The following C9 variants were observed in gnomAD, a reference collection of about 807,000 sequenced individuals.
C9 encodes complement component C9.
C9 carries 63 observed loss-of-function variants against 65.4 expected under a neutral mutation model. That is an observed-to-expected ratio of 0.96 (90% CI 0.79 to 1.19). The LOEUF (loss-of-function observed/expected upper bound fraction) is 1.19, where lower values mean the gene tolerates loss of function less well. Ranked by LOEUF, C9 falls within the 50% of genes most tolerant of loss-of-function variation. The pLI is 0.00. For synonymous variants in C9, 229 were observed against 227.9 expected, an observed-to-expected ratio of 1.00 and a Z score of -0.04; for missense variants, 744 against 670.1, an observed-to-expected ratio of 1.11 and a Z score of -1.22.
chr5:39,286,579 A>C (rs190175118), intron 10 of C9, among the ~76,000 whole-genome samples: 184 of 152,152 alleles, frequency 1.2e-3, no homozygotes, highest in African/African-American at 4.3e-3. Flanking sequence ...CGACTATACA[A>C]AGTTGAATAA....
At chr5:39,358,984 C>CAAAA (rs1210479485) in intron 1 of C9, among the ~76,000 whole-genome samples, 5 of 106,478 alleles carry the variant, frequency 4.7e-5, no homozygotes, top group East Asian at 2.2e-4. Context: ...GACTCCATCT[C>CAAAA]AAAAAAATAA....
chr5:39,326,747 AG>A (rs1407552983), intron 5 of C9, among the ~76,000 whole-genome samples: 8 of 152,242 alleles, frequency 5.3e-5, no homozygotes, highest in Non-Finnish European at 1.2e-4. Flanking sequence ...ACAAATAACC[AG>A]GTATGTAATA....
chr5:39,334,976 A>C (rs1239817356), intron 4 of C9, among the ~76,000 whole-genome samples: 1 of 142,224 alleles, frequency 7.0e-6, no homozygotes, highest in Admixed American at 7.4e-5. Context: ...TGTACTAAGA[A>C]AAATTCTTCT....
At chr5:39,333,785 T>C (rs2111934674) in intron 4 of C9, among the ~76,000 whole-genome samples, 1 of 150,966 alleles carries the variant, frequency 6.6e-6, no homozygotes, top group East Asian at 2.0e-4. Context: ...CTGGTTTTCG[T>C]ATTTTTTTGG....
At chr5:39,341,923 C>A (rs1754094676) in intron 2 of C9, among the ~76,000 whole-genome samples, 168 bp downstream of exon 2, 2 of 152,214 alleles carry the variant, frequency 1.3e-5, no homozygotes, top group South Asian at 4.1e-4. Context: ...TTCTGTACAA[C>A]ATAAAGATTT....
intron 5 of C9, among the ~76,000 whole-genome samples, chr5:39,321,773 A>G (rs1217885052): frequency 6.6e-6 from 1 of 152,104 alleles, no homozygotes; most frequent in African/African-American, 2.4e-5. Flanking sequence ...GAAAATCACT[A>G]TATAATAATG....
intron 10 of C9, among the ~76,000 whole-genome samples, chr5:39,286,318 G>A (rs529642438): frequency 7.2e-5 from 11 of 151,964 alleles, no homozygotes; most frequent in Admixed American, 1.3e-4. Context: ...AAGTACTGAA[G>A]AAAGCATAAT....
At chr5:39,350,280 C>T (rs562524150) in intron 1 of C9, among the ~76,000 whole-genome samples, 76 of 152,312 alleles carry the variant, frequency 5.0e-4, no homozygotes, top group African/African-American at 1.8e-3. Context: ...CACTTTCCGA[C>T]AGGCTCCTCC....
chr5:39,323,784 C>T (rs1477788763), intron 5 of C9, among the ~76,000 whole-genome samples: 1 of 151,896 alleles, frequency 6.6e-6, no homozygotes, highest in African/African-American at 2.4e-5. Flanking sequence ...CATTGTATCT[C>T]TGTTCAAAAT....
intron 9 of C9, among the ~76,000 whole-genome samples, chr5:39,290,886 T>C (rs1390229669): frequency 6.6e-6 from 1 of 151,940 alleles, no homozygotes; most frequent in Non-Finnish European, 1.5e-5. Flanking sequence ...GTAGGATAGC[T>C]CTGGCAGAAA....
intron 6 of C9, among the ~76,000 whole-genome samples, chr5:39,314,477 T>A (rs1753538827): frequency 6.6e-6 from 1 of 151,764 alleles, no homozygotes; most frequent in Non-Finnish European, 1.5e-5. Context: ...TTAAATTAAA[T>A]TAAATTAAAA....
rs773348076 is a variant in C9 at position 39,341,255 on chromosome 5, T to C, written c.367A>G (p.Asn123Asp). 6.2e-7 allele frequency: 1 copy of C among 1,614,056 alleles called. No homozygotes were observed. Among genetic ancestry groups the C allele is most frequent in the African/African-American group, 1.3e-5 (1 of 74,936 alleles). The change falls in exon 4 of 11, where the codon AAT becomes GAT. Residue 123 changes from asparagine to aspartate, a missense_variant. Transcript: ENST00000263408. ...TCATCTGAAAAGTCTCCGCAGTCAT[T>C]GTCACCATTACACCGAAGTCGCATC... The part of the protein sequence containing the change: ...IKMRLRCNGD[N>D]DCGDFSDEDD...
At position 39,306,703 on chromosome 5, in the gene C9, G is replaced by T. The variant is rs748242211; in HGVS notation, c.1330C>A (p.Leu444Ile). 2.5e-6 allele frequency: 4 copies of T among 1,612,876 alleles called. No homozygotes were observed. The African/African-American group carries it at 4.0e-5, about 16-fold the overall frequency. The change falls in exon 9 of 11, where the codon CTT becomes ATT. Residue 444 changes from leucine (L) to isoleucine (I), a missense_variant. Transcript: ENST00000263408. ...ACATCAATCACGGTTCCTCGGAGAA[G>T]CTTTTCTTTCAGTTCAAATGCATAT... ...RKYAFELKEKLLRGTVIDVTD... is the reference protein window; with the variant it reads ...RKYAFELKEKILRGTVIDVTD...
At chr5:39,328,086 G>A (rs1183479261) in intron 5 of C9, among the ~76,000 whole-genome samples, 1 of 152,200 alleles carries the variant, frequency 6.6e-6, no homozygotes, top group Non-Finnish European at 1.5e-5. Context: ...GAAAGGTTGA[G>A]TGGAGGCTTA....
Position 39,285,069 on chromosome 5 carries a change from A to ACTTCAGAGGT in C9, c.*120_*129dup. The ACTTCAGAGGT allele has an allele frequency of 9.0e-6, 7 of 777,814 alleles. No homozygotes were observed. In the South Asian group the frequency reaches 1.0e-4, roughly 11 times the overall value. The allele number at this position is 777,814 out of a possible 1,614,324, so 48.2% of individuals were successfully genotyped here. A position where few individuals can be genotyped will look rare whatever the true frequency, so the allele number is the denominator to read the frequency against. On this transcript the variant is annotated 3_prime_UTR_variant, in exon 11 of 11. Transcript: ENST00000263408. ...AAATTATAGACCTAAGAGAGAAGAGACTTCAGAGGTTGGTAGGATTTTCAT... is the reference window on the plus strand; with the variant it reads ...AAATTATAGACCTAAGAGAGAAGAGACTTCAGAGGTCTTCAGAGGTTGGTAGGATTTTCAT...
At chr5:39,314,023 G>A (rs1211723916) in intron 6 of C9, among the ~76,000 whole-genome samples, 1 of 152,076 alleles carries the variant, frequency 6.6e-6, no homozygotes, top group Admixed American at 6.6e-5. Context: ...CTACCATCAT[G>A]TCTCACCTGG....
At position 39,333,269 on chromosome 5, in the gene C9, C is replaced by T. The variant is rs191172119; in HGVS notation, c.477-1455G>A. Among the ~76,000 whole-genome samples the T allele has an allele frequency of 9.7e-4, 148 of 152,276 alleles. No homozygotes were observed. In the Middle Eastern group the frequency reaches 0.017, roughly 17 times the overall value. ...CTCATCACCGGCAAAGTATACTTCC[C>T]TCCCTAGTGGCTTTGTGCTTGGCCA... On this transcript the variant is annotated intron_variant, in intron 4 of 10. Coordinates refer to ENST00000263408, the MANE Select transcript of C9 (RefSeq NM_001737.5).
intron 5 of C9, among the ~76,000 whole-genome samples, chr5:39,319,637 C>T (rs957762448): frequency 2.0e-5 from 3 of 152,142 alleles, no homozygotes; most frequent in Admixed American, 2.0e-4. Flanking sequence ...TCACCCAGTG[C>T]CAGAATGGCC....
At chr5:39,318,894 T>C (rs1466855035) in intron 5 of C9, among the ~76,000 whole-genome samples, 1 of 152,250 alleles carries the variant, frequency 6.6e-6, no homozygotes, top group African/African-American at 2.4e-5. Context: ...AATGTATTTC[T>C]AATGACTTTA....
Sources: gnomAD v4.1 joint callset for allele counts (sites outside exome capture counted in the v4.1 genomes callset) on GRCh38, gnomAD v4.1.1 for gene constraint, MANE v1.5 for transcripts, NCBI Gene and HGNC (gene_info 2026-07-23, HGNC 2026-07-21) for gene names.